The following PCDHGA10 variants were observed in gnomAD, a reference collection of about 807,000 sequenced individuals.
PCDHGA10 encodes the protein protocadherin gamma-A10.
A neutral mutation model predicts 59.5 loss-of-function variants in PCDHGA10; 42 were observed. The observed-to-expected ratio is 0.71, with a 90% CI of 0.55 to 0.91. The LOEUF (loss-of-function observed/expected upper bound fraction) is 0.91, where lower values mean the gene tolerates loss of function less well. Among genes scored for constraint, PCDHGA10 ranks in the 40% least tolerant of loss-of-function variants. The probability of loss-of-function intolerance (pLI) is 0.00; values close to 1 mark genes in which losing one functional copy is unlikely to be tolerated. For synonymous variants in PCDHGA10, 511 were observed against 517.2 expected (o/e 0.99, Z 0.16); for missense variants, 1,111 against 1,198.2 (o/e 0.93, Z 1.07).
intron 1 of PCDHGA10, chr5:141,423,181 C>T: frequency 1.2e-6 from 2 of 1,613,578 alleles, no homozygotes; most frequent in East Asian, 2.2e-5. Flanking sequence ...GGACCACGGC[C>T]AGCCCCCTCT....
chr5:141,487,824 C>A lies in PCDHGA10; in HGVS notation c.2437-6983C>A. The stretch of plus-strand genomic sequence containing the variant: ...TCACAGTTTAGCATTGGGGGCGGGT[C>A]ATGCCTATATCTGAGTAAGAAATGA... On this transcript the variant is annotated intron_variant, in intron 1 of 3. Coordinates refer to ENST00000398610, the MANE Select transcript of PCDHGA10 (RefSeq NM_018913.3). This position sits in a 1 kb window ranked among gnomAD's most constrained non-coding sequence, Gnocchi z 5.0. 2 of 1,247,252 alleles carry A rather than the reference C, an allele frequency of 1.6e-6. No individual in the cohort carries two copies. The highest frequency in any genetic ancestry group is 2.9e-5 in the South Asian group (2 of 68,154). The allele number at this position is 1,247,252 out of a possible 1,614,324, so 77.3% of individuals were successfully genotyped here. A position where few individuals can be genotyped will look rare whatever the true frequency, so the allele number is the denominator to read the frequency against.
intron 3 of PCDHGA10, among the ~76,000 whole-genome samples, chr5:141,506,444 CAAAAAAAAAA>C (rs1219684339): frequency 8.4e-5 from 8 of 95,030 alleles, no homozygotes; most frequent in Non-Finnish European, 1.3e-4. Context: ...CGCTCTGTCT[CAAAAAAAAAA>C]AAAAAAAAAA....
intron 1 of PCDHGA10, among the ~76,000 whole-genome samples, chr5:141,473,946 G>A (rs1399816546): frequency 6.6e-6 from 1 of 152,170 alleles, no homozygotes; most frequent in African/African-American, 2.4e-5. Context: ...GCTCAGGCCT[G>A]TAGTCCCATC....
rs767497197 is a variant in PCDHGA10, at chr5:141,486,350, T to C, written c.2437-8457T>C. The C allele has an allele frequency of 6.2e-7, 1 of 1,614,128 alleles. No homozygotes were observed. Among genetic ancestry groups the C allele is most frequent in the South Asian group, 1.1e-5 (1 of 91,074 alleles). On this transcript the variant is annotated intron_variant, in intron 1 of 3. Transcript: ENST00000398610. The surrounding 1 kb of genome is among the most constrained non-coding windows in gnomAD (Gnocchi z 5.0). ...TGTGAGCCTCCGCATTCCTGACCAC[T>C]TGCCATTTGCCCTCAAGTCTGCCTT...
intron 1 of PCDHGA10, chr5:141,428,105 G>A: frequency 1.9e-6 from 3 of 1,608,184 alleles, no homozygotes; most frequent in Admixed American, 1.7e-5. Flanking sequence ...ACCACGTGCT[G>A]CAGGCCATCG....
chr5:141,454,366 GT>G (rs2098787984), intron 1 of PCDHGA10, among the ~76,000 whole-genome samples: 1 of 152,166 alleles, frequency 6.6e-6, no homozygotes, highest in Admixed American at 6.5e-5. Flanking sequence ...TTAGAAAGGA[GT>G]ATGGCAACTT....
chr5:141,480,122 C>T (rs576224922), intron 1 of PCDHGA10, among the ~76,000 whole-genome samples: 1 of 151,948 alleles, frequency 6.6e-6, no homozygotes, highest in African/African-American at 2.4e-5. Flanking sequence ...CCTGGCATAT[C>T]ATAACTGTTA....
At position 141,432,463 on chromosome 5, in the gene PCDHGA10, C is replaced by T; in HGVS notation, c.2436+16852C>T. ...CCGAGATCCTGTACCCCGCCCTCCC[C>T]ACGGACGGTTCCACTGGCGTGGAGC... On this transcript the variant is annotated intron_variant, in intron 1 of 3. Transcript: ENST00000398610. The surrounding 1 kb of genome is among the most constrained non-coding windows in gnomAD (Gnocchi z 6.0). 6.2e-7 allele frequency: 1 copy of T among 1,614,238 alleles called. No individual in the cohort carries two copies. The highest frequency in any genetic ancestry group is 1.1e-5 in the South Asian group (1 of 91,084).
At chr5:141,423,095 A>G (rs2096708889) in intron 1 of PCDHGA10, 3 of 1,613,978 alleles carry the variant, frequency 1.9e-6, no homozygotes, top group Non-Finnish European at 2.5e-6. Flanking sequence ...GTGGGGGAGC[A>G]CACGGGCGAG....
intron 1 of PCDHGA10, chr5:141,475,949 G>A: frequency 1.3e-6 from 1 of 758,910 alleles, no homozygotes; most frequent in South Asian, 1.9e-5. Flanking sequence ...TCCCCTTTCT[G>A]CGCCCCGGGA....
chr5:141,496,163 A>T (rs1249396595), intron 2 of PCDHGA10, among the ~76,000 whole-genome samples: 2 of 150,100 alleles, frequency 1.3e-5, no homozygotes, highest in Non-Finnish European at 3.0e-5. Flanking sequence ...TCCACCAGAC[A>T]CCCTCCCATC....
chr5:141,445,975 G>A (rs1279186740), intron 1 of PCDHGA10, among the ~76,000 whole-genome samples: 1 of 152,124 alleles, frequency 6.6e-6, no homozygotes, highest in Non-Finnish European at 1.5e-5. Flanking sequence ...TGATTTATGA[G>A]GGTTATAAAT....
chr5:141,421,374 C>T, intron 1 of PCDHGA10: 1 of 1,614,062 alleles, frequency 6.2e-7, no homozygotes, highest in Non-Finnish European at 8.5e-7. Flanking sequence ...TGGGCAATAT[C>T]TCCAAGGACC....
At chr5:141,495,379 C>T (rs989240656) in intron 2 of PCDHGA10, among the ~76,000 whole-genome samples, 3 of 152,208 alleles carry the variant, frequency 2.0e-5, no homozygotes, top group Non-Finnish European at 4.4e-5. Context: ...TGAGGAAGGA[C>T]TGGGCGGGGC....
intron 1 of PCDHGA10, among the ~76,000 whole-genome samples, chr5:141,456,206 T>C (rs966457070): frequency 6.6e-6 from 1 of 152,098 alleles, no homozygotes; most frequent in African/African-American, 2.4e-5. Context: ...ACCACATTCC[T>C]CCCTGTGGCG....
At chr5:141,495,010 G>T (rs1327870362) in intron 2 of PCDHGA10, 145 bp downstream of exon 2, 1 of 1,516,970 alleles carries the variant, frequency 6.6e-7, no homozygotes, top group Non-Finnish European at 8.9e-7. Flanking sequence ...GTGTGCGGGG[G>T]GCTGGCACAC....
intron 1 of PCDHGA10, among the ~76,000 whole-genome samples, chr5:141,444,977 T>A (rs2098452876): frequency 1.3e-5 from 2 of 152,200 alleles, no homozygotes; most frequent in South Asian, 4.1e-4. Flanking sequence ...TTCAAATCCA[T>A]GAACATGGTA....
intron 1 of PCDHGA10, among the ~76,000 whole-genome samples, chr5:141,452,909 T>C (rs1408054133): frequency 6.6e-6 from 1 of 152,232 alleles, no homozygotes; most frequent in Non-Finnish European, 1.5e-5. Flanking sequence ...GTTGGCATTA[T>C]ACAGTAAGAA....
In PCDHGA10 at chr5:141,431,248, G is replaced by C. The variant is rs1213088915; in HGVS notation, c.2436+15637G>C. On this transcript the variant is annotated intron_variant, in intron 1 of 3. Coordinates refer to ENST00000398610, the MANE Select transcript of PCDHGA10 (RefSeq NM_018913.3). This position sits in a 1 kb window ranked among gnomAD's most constrained non-coding sequence, Gnocchi z 4.8. ...CCCACGCCTGGGATCCGGATATCGG[G>C]AAGAACTCTCTGCAGAGCTACGAGC... is the stretch of plus-strand genomic sequence containing the variant. 5 of 1,614,022 alleles carry C rather than the reference G, an allele frequency of 3.1e-6. No homozygotes were observed. Among genetic ancestry groups the C allele is most frequent in the Non-Finnish European group, 4.2e-6 (5 of 1,180,056 alleles).
Sources: allele counts gnomAD v4.1 joint callset (sites outside exome capture counted in the v4.1 genomes callset), GRCh38; gene constraint gnomAD v4.1.1; non-coding constraint Gnocchi (gnomAD v3.1); transcripts MANE v1.5; gene names NCBI Gene and HGNC (gene_info 2026-07-23, HGNC 2026-07-21).